The following NEK10 variants were observed in gnomAD, a reference collection of about 807,000 sequenced individuals.
NEK10 encodes the protein NIMA related kinase 10, also known as serine/threonine-protein kinase Nek10.
A neutral mutation model predicts 159.8 loss-of-function variants in NEK10; 122 were observed. That is an observed-to-expected ratio of 0.76 (90% confidence interval 0.66 to 0.89). The LOEUF is 0.89. Ranked by LOEUF, NEK10 falls within the 40% of genes least tolerant of loss-of-function variation. The probability of loss-of-function intolerance (pLI) is 0.00; values close to 1 mark genes in which losing one functional copy is unlikely to be tolerated. For missense variants in NEK10, 1,342 were observed against 1,323.1 expected, an observed-to-expected ratio of 1.01 and a Z score of -0.22; for synonymous variants, 466 against 457.1, an observed-to-expected ratio of 1.02 and a Z score of -0.25.
At chr3:27,202,769 C>T (rs1331636841) in intron 23 of NEK10, among the ~76,000 whole-genome samples, 1 of 152,160 alleles carries the variant, frequency 6.6e-6, no homozygotes, top group Non-Finnish European at 1.5e-5. Flanking sequence ...GCACTAAATA[C>T]CAGTAACTCA....
At chr3:27,201,016 T>C (rs1287299163) in intron 25 of NEK10, among the ~76,000 whole-genome samples, 1 of 152,178 alleles carries the variant, frequency 6.6e-6, no homozygotes, top group East Asian at 1.9e-4. Flanking sequence ...TGACTTTCAT[T>C]AAACTCCTGC....
chr3:27,261,188 A>C (rs1302785970), intron 22 of NEK10, among the ~76,000 whole-genome samples: 2 of 151,992 alleles, frequency 1.3e-5, no homozygotes, highest in African/African-American at 4.8e-5. Flanking sequence ...GGATTCATTG[A>C]TTTTTTGAAG....
intron 25 of NEK10, chr3:27,194,587 A>G (rs1189770807): frequency 6.6e-6 from 1 of 151,656 alleles, no homozygotes; most frequent in African/African-American, 2.4e-5. Flanking sequence ...GGAAAGAATT[A>G]GAAGGATACC....
Position 27,174,844 on chromosome 3 carries a change from A to C in NEK10, c.2506-11T>G. On this transcript the variant is annotated splice_polypyrimidine_tract_variant and intron_variant, in intron 26 of 35. Coordinates refer to ENST00000691995, the MANE Select transcript of NEK10 (RefSeq NM_001394966.1). ...CTTCTCAAAGGTCTCCTGGAAAGAG[A>C]AATTCAGTTTTTCATAGCCTCTTTC... 6.4e-7 allele frequency: 1 copy of C among 1,559,210 alleles called. No homozygotes were observed. The highest frequency in any genetic ancestry group is 2.3e-5 in the East Asian group (1 of 44,256).
At chr3:27,192,405 T>A (rs1949198829) in intron 25 of NEK10, among the ~76,000 whole-genome samples, 163 bp from the exon 26 acceptor site, 1 of 152,168 alleles carries the variant, frequency 6.6e-6, no homozygotes, top group Admixed American at 6.5e-5. Flanking sequence ...GTCCAAGACT[T>A]CTCAAAAGGC....
intron 5 of NEK10, among the ~76,000 whole-genome samples, chr3:27,338,301 G>A (rs1404395772): frequency 6.6e-6 from 1 of 152,204 alleles, no homozygotes; most frequent in African/African-American, 2.4e-5. Flanking sequence ...ACTCCACGGT[G>A]TATATGTGCC....
At chr3:27,134,524 A>T (rs144113657) in intron 31 of NEK10, among the ~76,000 whole-genome samples, 13 of 152,326 alleles carry the variant, frequency 8.5e-5, no homozygotes, top group Non-Finnish European at 1.5e-4. Flanking sequence ...GACTTAACCC[A>T]CTACTGGAAG....
chr3:27,244,714 T>C (rs1954889557), intron 23 of NEK10, among the ~76,000 whole-genome samples: 1 of 152,174 alleles, frequency 6.6e-6, no homozygotes, highest in Non-Finnish European at 1.5e-5. Flanking sequence ...CTGCACCCTC[T>C]GAAGGCCTCC....
chr3:27,131,835 T>C (rs1240571072), intron 32 of NEK10, 45 bp downstream of exon 32: 1 of 1,043,124 alleles, frequency 9.6e-7, no homozygotes, highest in East Asian at 2.4e-5. Context: ...CCTCTTATGA[T>C]GTGGTTTTGT....
chr3:27,254,309 T>A (rs1309160470), intron 23 of NEK10, among the ~76,000 whole-genome samples: 2 of 152,196 alleles, frequency 1.3e-5, no homozygotes, highest in Admixed American at 6.5e-5. Context: ...ACCCCTGCTT[T>A]ACACTATATC....
At chr3:27,210,804 C>T (rs1006185286) in intron 23 of NEK10, among the ~76,000 whole-genome samples, 1 of 152,078 alleles carries the variant, frequency 6.6e-6, no homozygotes, top group South Asian at 2.1e-4. Flanking sequence ...TTATCTTCAC[C>T]CCTACACATG....
chr3:27,113,772 C>T (rs1032239339), intron 35 of NEK10, among the ~76,000 whole-genome samples: 21 of 152,002 alleles, frequency 1.4e-4, no homozygotes, highest in African/African-American at 5.1e-4. Flanking sequence ...TGATAAATTC[C>T]AAAATAAGAC....
At chr3:27,144,456 G>A (rs2125594848) in intron 30 of NEK10, among the ~76,000 whole-genome samples, 1 of 152,250 alleles carries the variant, frequency 6.6e-6, no homozygotes, top group Admixed American at 6.5e-5. Flanking sequence ...GAAATAGCTG[G>A]ACCCAAGGAT....
intron 31 of NEK10, among the ~76,000 whole-genome samples, chr3:27,136,361 C>T (rs142183775): frequency 1.3e-3 from 192 of 152,220 alleles, no homozygotes; most frequent in African/African-American, 4.3e-3. Context: ...ATCCACCTGT[C>T]TCAGCCTCTC....
rs1189273426 is a variant in NEK10 at position 27,174,801 on chromosome 3, G to T, written c.2538C>A (p.Ser846Arg). The change falls in exon 27 of 36, where the codon AGC (serine) becomes AGA (arginine). Residue 846 changes from serine (S) to arginine (R), a missense_variant. Physicochemically the swap from Ser to Arg is moderately radical, Grantham distance 110. Coordinates refer to ENST00000691995, the MANE Select transcript of NEK10 (RefSeq NM_001394966.1). ...TTTTCAGGCTGGCTGCTCCACTGCT[G>T]CTGCTACTCAAACTTGCCTTCTCAA... is the stretch of plus-strand genomic sequence containing the variant. Reference protein sequence around the residue: ...ETFEKASLSSSSSGAASLKSE... With the variant: ...ETFEKASLSSRSSGAASLKSE... 2 of 1,603,290 alleles carry T rather than the reference G, an allele frequency of 1.2e-6. No homozygotes were observed. Among genetic ancestry groups the T allele is most frequent in the East Asian group, 2.2e-5 (1 of 44,700 alleles).
chr3:27,346,305 G>C, intron 3 of NEK10, 89 bp from the exon 4 acceptor site: 1 of 1,399,860 alleles, frequency 7.1e-7, no homozygotes, highest in Non-Finnish European at 9.9e-7. Flanking sequence ...TGAAGAGACT[G>C]AGATTTTTTC....
Position 27,301,739 on chromosome 3 carries a change from C to A in NEK10, c.1125G>T (p.Leu375Phe). ...TATTTTCTTGTATTTCCCTAGGGCT[C>A]AAGTCTTCTGATAAATGAAGCTGCT... ...RIQQLHLSED[L>F]SPREIQENTF... Residue 375 changes from leucine to phenylalanine, a missense_variant, in exon 13 of 36, where the codon TTG becomes TTT. By Grantham distance (22) the Leu-to-Phe change is conservative (BLOSUM62 0). Transcript: ENST00000691995. 1 of 1,578,044 alleles carries A rather than the reference C, an allele frequency of 6.3e-7. No homozygotes were observed. The highest frequency in any genetic ancestry group is 2.3e-5 in the East Asian group (1 of 43,276).
At chr3:27,335,115 GATCAC>G (rs1237316558) in intron 5 of NEK10, among the ~76,000 whole-genome samples, 10 of 152,088 alleles carry the variant, frequency 6.6e-5, no homozygotes, top group Admixed American at 6.5e-4. Context: ...GAGGCGAGTG[GATCAC>G]CTGAGGTCAG....
At chr3:27,282,258 G>A (rs2042213719) in intron 22 of NEK10, among the ~76,000 whole-genome samples, 3 of 151,958 alleles carry the variant, frequency 2.0e-5, no homozygotes, top group South Asian at 4.2e-4. Context: ...AAGGGATGGG[G>A]CATAAAACTG....
Sources: allele counts gnomAD v4.1 joint callset (sites outside exome capture counted in the v4.1 genomes callset), GRCh38; gene constraint gnomAD v4.1.1; transcripts MANE v1.5; gene names NCBI Gene and HGNC (gene_info 2026-07-23, HGNC 2026-07-21).